The following CFAP77 variants were observed in gnomAD, a reference collection of about 807,000 sequenced individuals.
CFAP77 encodes cilia- and flagella-associated protein 77.
Under a neutral mutation model 31.1 loss-of-function variants are expected in CFAP77, and 25 were observed. The observed-to-expected ratio is 0.80, with a 90% CI of 0.59 to 1.12. CFAP77 has a LOEUF of 1.12. CFAP77 is among the 50% of genes most tolerant of loss of function. The pLI, the probability that CFAP77 is intolerant of heterozygous loss-of-function variation, is 0.00. For missense variants in CFAP77, 377 were observed against 397.3 expected, an observed-to-expected ratio of 0.95 and a Z score of 0.44; for synonymous variants, 151 against 159.9, an observed-to-expected ratio of 0.94 and a Z score of 0.42.
intron 1 of CFAP77, among the ~76,000 whole-genome samples, chr9:132,486,546 T>C (rs1180793173): frequency 6.6e-6 from 1 of 152,118 alleles, no homozygotes; most frequent in Non-Finnish European, 1.5e-5. Context: ...ACCTAGCTAG[T>C]TTTTATTGCT....
intron 1 of CFAP77, among the ~76,000 whole-genome samples, chr9:132,453,276 G>A (rs2131716279): frequency 1.3e-5 from 2 of 152,322 alleles, no homozygotes; most frequent in Middle Eastern, 6.8e-3. Context: ...TGTAATCCTA[G>A]CACTTTGGGA....
rs1263522710 is a variant in CFAP77, at chr9:132,565,668, C to T, written c.733-6720C>T. On this transcript the variant is annotated intron_variant, in intron 5 of 5. Transcript: ENST00000393216. The surrounding 1 kb of genome is among the most constrained non-coding windows in gnomAD (Gnocchi z 4.1). ...GAAGATAGCTCTTGTCTAAATGTCACAAACAATCACATGTACAGTGTGTTT... is the reference window on the plus strand; with the variant it reads ...GAAGATAGCTCTTGTCTAAATGTCATAAACAATCACATGTACAGTGTGTTT... 6.6e-6 allele frequency among the ~76,000 whole-genome samples: 1 copy of T among 152,078 alleles called. No homozygotes were observed. The highest frequency in any genetic ancestry group is 1.5e-5 in the Non-Finnish European group (1 of 68,014).
In CFAP77 at chr9:132,481,670, C is replaced by A. The variant is rs1269335672; in HGVS notation, c.196-17025C>A. Among the ~76,000 whole-genome samples the A allele has an allele frequency of 6.6e-6, 1 of 152,176 alleles. No individual in the cohort carries two copies. The highest frequency in any genetic ancestry group is 1.5e-5 in the Non-Finnish European group (1 of 68,034). ...GGGGTGGGAGGACCCTGTCCTCCAG[C>A]CTCCCAGCTTTGTGCTGAAATGAAG... On this transcript the variant is annotated intron_variant, in intron 1 of 5. Transcript: ENST00000393216. This position sits in a 1 kb window ranked among gnomAD's most constrained non-coding sequence, Gnocchi z 5.0.
At chr9:132,446,323 A>T (rs1850714948) in intron 1 of CFAP77, among the ~76,000 whole-genome samples, 1 of 152,062 alleles carries the variant, frequency 6.6e-6, no homozygotes, top group East Asian at 1.9e-4. Flanking sequence ...TGGATCTCTG[A>T]GTCGTCTGGT....
intron 1 of CFAP77, among the ~76,000 whole-genome samples, chr9:132,444,302 G>T (rs1021267698): frequency 1.3e-5 from 2 of 152,188 alleles, no homozygotes; most frequent in African/African-American, 4.8e-5. Context: ...GCATTGCCAG[G>T]GAGACAAATG....
chr9:132,519,586 G>A (rs1374416447), intron 3 of CFAP77, among the ~76,000 whole-genome samples: 5 of 136,834 alleles, frequency 3.7e-5, no homozygotes, highest in East Asian at 2.2e-4. Flanking sequence ...ATGGATGGAT[G>A]GATGGATGGA....
At chr9:132,520,863 C>G (rs1449493568) in intron 3 of CFAP77, among the ~76,000 whole-genome samples, 1 of 152,222 alleles carries the variant, frequency 6.6e-6, no homozygotes, top group Non-Finnish European at 1.5e-5. Flanking sequence ...CTCTGAAGAG[C>G]CTCGAAGGCC....
Position 132,454,272 on chromosome 9 carries a change from G to A in CFAP77, c.195+43806G>A, listed in dbSNP as rs968562106. Among the ~76,000 whole-genome samples the A allele has an allele frequency of 2.0e-5, 3 of 152,166 alleles. No individual in the cohort carries two copies. In the East Asian group the frequency reaches 5.8e-4, roughly 29 times the overall value. Reference sequence around the variant, plus strand: ...ATTATAAACCCCAATTTTCAGGAGGGTTGTAACTCATCTATTTAAAAATCA... The same window carrying A: ...ATTATAAACCCCAATTTTCAGGAGGATTGTAACTCATCTATTTAAAAATCA... On this transcript the variant is annotated intron_variant, in intron 1 of 5. Coordinates refer to ENST00000393216, the MANE Select transcript of CFAP77 (RefSeq NM_001282957.2).
intron 3 of CFAP77, among the ~76,000 whole-genome samples, chr9:132,524,312 T>C (rs1852317614): frequency 6.6e-6 from 1 of 151,400 alleles, no homozygotes; most frequent in African/African-American, 2.4e-5. Flanking sequence ...TGTGTAAAAG[T>C]ACCCGGGGTC....
chr9:132,545,560 A>C lies in CFAP77; in HGVS notation c.732+2513A>C, dbSNP rs1313081735. Among the ~76,000 whole-genome samples the C allele has an allele frequency of 6.6e-6, 1 of 152,212 alleles. No individual in the cohort carries two copies. The highest frequency in any genetic ancestry group is 1.5e-5 in the Non-Finnish European group (1 of 68,034). On this transcript the variant is annotated intron_variant, in intron 5 of 5. Coordinates refer to ENST00000393216, the MANE Select transcript of CFAP77 (RefSeq NM_001282957.2). This position sits in a 1 kb window ranked among gnomAD's most constrained non-coding sequence, Gnocchi z 4.6. ...CTGTCTCCCTATCCTACTTGCCAGAAACCTGGGGCCAAGGGAAATGGGGAA... is the reference window on the plus strand; with the variant it reads ...CTGTCTCCCTATCCTACTTGCCAGACACCTGGGGCCAAGGGAAATGGGGAA...
intron 1 of CFAP77, among the ~76,000 whole-genome samples, chr9:132,486,028 A>ATGTATG (rs1564223028): frequency 1.7e-4 from 4 of 24,150 alleles, no homozygotes; most frequent in Non-Finnish European, 2.6e-4. Flanking sequence ...ATATATATAT[A>ATGTATG]TATATATATA....
At chr9:132,544,546 C>T (rs1183218262) in intron 5 of CFAP77, among the ~76,000 whole-genome samples, 2 of 146,682 alleles carry the variant, frequency 1.4e-5, no homozygotes, top group Non-Finnish European at 3.0e-5. Flanking sequence ...CCCAGGCTGG[C>T]GTGCAGTGGT....
Position 132,458,349 on chromosome 9 carries a change from G to T in CFAP77, c.196-40346G>T, listed in dbSNP as rs976582163. 4.0e-4 allele frequency among the ~76,000 whole-genome samples: 46 copies of T among 114,154 alleles called. 1 individual carries two copies. Among genetic ancestry groups the T allele is most frequent in the African/African-American group, 1.4e-3 (40 of 29,276 alleles). The allele number at this position is 114,154 out of a possible 152,430, so 74.9% of individuals were successfully genotyped here. On this transcript the variant is annotated intron_variant, in intron 1 of 5. Coordinates refer to ENST00000393216, the MANE Select transcript of CFAP77 (RefSeq NM_001282957.2). ...CCACCTTTGTCTCCCTGGCGGGGGA[G>T]GGGGGGGGGTGTGTATGGAAGGCTC...
rs1226632634 is a variant in CFAP77, at chr9:132,565,491, C to T, written c.733-6897C>T. 2.6e-5 allele frequency among the ~76,000 whole-genome samples: 4 copies of T among 151,932 alleles called. No individual in the cohort carries two copies. Among genetic ancestry groups the T allele is most frequent in the African/African-American group, 7.3e-5 (3 of 41,370 alleles). On this transcript the variant is annotated intron_variant, in intron 5 of 5. Transcript: ENST00000393216. This position sits in a 1 kb window ranked among gnomAD's most constrained non-coding sequence, Gnocchi z 4.1. ...CTAAAAATATAAAAAATTAGCTGGG[C>T]GTGATGGCAGACACCTGTAATCCCA...
chr9:132,482,526 ACCTC>A (rs1330761631), intron 1 of CFAP77: 1 of 763,150 alleles, frequency 1.3e-6, no homozygotes, highest in African/African-American at 1.8e-5. Context: ...GTGGCGCTTC[ACCTC>A]CATGGTCTCG....
At chr9:132,459,579 ATG>A (rs953309996) in intron 1 of CFAP77, among the ~76,000 whole-genome samples, 1 of 139,080 alleles carries the variant, frequency 7.2e-6, no homozygotes, top group Non-Finnish European at 1.6e-5. Context: ...GTGTGCATGT[ATG>A]TGTATGTATA....
rs373896934 is a variant in CFAP77 at position 132,442,942 on chromosome 9, C to T, written c.195+32476C>T. Among the ~76,000 whole-genome samples the T allele has an allele frequency of 6.6e-5, 10 of 152,128 alleles. No homozygotes were observed. The East Asian group carries it at 1.5e-3, about 23-fold the overall frequency. ...AAGTTTTTTCATCACCCCAGAAGAA[C>T]ACCCCAAAACCTTCCAGTAATCACT... On this transcript the variant is annotated intron_variant, in intron 1 of 5. Transcript: ENST00000393216.
intron 5 of CFAP77, among the ~76,000 whole-genome samples, chr9:132,548,213 C>T (rs901061219): frequency 7.5e-6 from 1 of 133,728 alleles, no homozygotes; most frequent in African/African-American, 2.9e-5. Flanking sequence ...AGCGTCTGCA[C>T]AATGCCTACA....
chr9:132,513,251 T>C lies in CFAP77; in HGVS notation c.524+13651T>C, dbSNP rs908423629. 6 of 1,546,344 alleles carry C rather than the reference T, an allele frequency of 3.9e-6. No individual in the cohort carries two copies. The Admixed American group carries it at 1.2e-4, about 31-fold the overall frequency. On this transcript the variant is annotated intron_variant, in intron 3 of 5. Coordinates refer to ENST00000393216, the MANE Select transcript of CFAP77 (RefSeq NM_001282957.2). ...ATTTTAACCAATCCTTTCTTTTGTGTTTATTAGAAAACTTTCCAAACAAAT... is the reference window on the plus strand; with the variant it reads ...ATTTTAACCAATCCTTTCTTTTGTGCTTATTAGAAAACTTTCCAAACAAAT...
Sources: gnomAD v4.1 joint callset for allele counts (sites outside exome capture counted in the v4.1 genomes callset) on GRCh38, gnomAD v4.1.1 for gene constraint, Gnocchi (gnomAD v3.1) non-coding constraint, MANE v1.5 for transcripts, NCBI Gene and HGNC (gene_info 2026-07-23, HGNC 2026-07-21) for gene names.